AUTS2: variants seen among roughly 807,000 people sequenced by gnomAD.
The protein encoded by AUTS2 is autism susceptibility gene 2 protein.
In AUTS2, 17 loss-of-function variants were observed where a neutral mutation model predicts 112.4. That is an observed-to-expected ratio of 0.15 (90% CI 0.10 to 0.23). The LOEUF is 0.23. Ranked by LOEUF, AUTS2 falls within the 10% of genes least tolerant of loss-of-function variation. The probability of loss-of-function intolerance (pLI) is 1.00; values close to 1 mark genes in which losing one functional copy is unlikely to be tolerated. For missense variants in AUTS2, 1,510 were observed against 1,701.6 expected, an observed-to-expected ratio of 0.89 and a Z score of 1.98; for synonymous variants, 751 against 702.7, an observed-to-expected ratio of 1.07 and a Z score of -1.09.
chr7:69,738,266 C>T (rs999275580), intron 1 of AUTS2, among the ~76,000 whole-genome samples: 1 of 151,908 alleles, frequency 6.6e-6, no homozygotes, highest in African/African-American at 2.4e-5. Flanking sequence ...ATCCCCTTCT[C>T]TCTCTTCTAT....
At chr7:69,915,586 AG>A (rs1188110051) in intron 2 of AUTS2, among the ~76,000 whole-genome samples, 1 of 152,366 alleles carries the variant, frequency 6.6e-6, no homozygotes, top group Non-Finnish European at 1.5e-5. Context: ...CTCTTAGTAC[AG>A]GAAAGTCTTA....
chr7:70,566,582 G>C (rs2214715), intron 5 of AUTS2, among the ~76,000 whole-genome samples: 80,874 of 151,912 alleles, frequency 0.53, 22,081 homozygotes, highest in Admixed American at 0.6. Flanking sequence ...TGTGGTTCAG[G>C]TCTGTTGTTC....
At chr7:70,649,628 A>C (rs1007991013) in intron 5 of AUTS2, among the ~76,000 whole-genome samples, 2 of 151,970 alleles carry the variant, frequency 1.3e-5, no homozygotes, top group African/African-American at 4.8e-5. Flanking sequence ...TCCTGGGTTC[A>C]AACGATTTTC....
intron 1 of AUTS2, among the ~76,000 whole-genome samples, chr7:69,659,583 GTTTTTTTTTTTT>G (rs58289887): frequency 1.2e-5 from 1 of 81,268 alleles, no homozygotes. Flanking sequence ...AGGCTTAGTT[GTTTTTTTTTTTT>G]TTTTTTTTTG....
intron 5 of AUTS2, among the ~76,000 whole-genome samples, chr7:70,551,599 A>G (rs989523587): frequency 6.6e-6 from 1 of 152,180 alleles, no homozygotes; most frequent in Non-Finnish European, 1.5e-5. Context: ...AACTGCCAAA[A>G]GAACCCTAGG....
chr7:69,834,095 C>T lies in AUTS2; in HGVS notation c.310-65191C>T, dbSNP rs75929067. Among the ~76,000 whole-genome samples, 447 of 152,206 alleles carry T rather than the reference C, an allele frequency of 2.9e-3. 5 individuals carry two copies. Among genetic ancestry groups the T allele is most frequent in the African/African-American group, 0.01 (433 of 41,542 alleles). On this transcript the variant is annotated intron_variant, in intron 1 of 18. Coordinates refer to ENST00000342771, the MANE Select transcript of AUTS2 (RefSeq NM_015570.4). ...GGCTCTGGTAAGTCCTTTACACTTG[C>T]TTTAACCTGCTGCTCTTTCCCCTTC...
rs554281670 is a variant in AUTS2 at position 70,301,530 on chromosome 7, G to A, written c.661-134222G>A. Among the ~76,000 whole-genome samples the A allele has an allele frequency of 4.5e-4, 69 of 152,218 alleles. 1 individual carries two copies. Among genetic ancestry groups the A allele is most frequent in the African/African-American group, 1.5e-3 (61 of 41,528 alleles). ...TCTTGAACCCATAAAGTAGGGCTTT[G>A]AAGACGTGCAACATTTGTGAGGTTC... is the stretch of plus-strand genomic sequence containing the variant. On this transcript the variant is annotated intron_variant, in intron 4 of 18. Transcript: ENST00000342771.
intron 2 of AUTS2, among the ~76,000 whole-genome samples, chr7:70,107,788 C>T (rs1804850470): frequency 6.6e-6 from 1 of 150,706 alleles, no homozygotes; most frequent in South Asian, 2.1e-4. Flanking sequence ...CCGAGGCAGG[C>T]AGATCACGAG....
Position 70,122,865 on chromosome 7 carries a change from CTT to C in AUTS2, c.624+4654_624+4655del, listed in dbSNP as rs11297258. 9.2e-3 allele frequency among the ~76,000 whole-genome samples: 852 copies of C among 93,016 alleles called. 12 individuals are homozygous for C. The highest frequency in any genetic ancestry group is 0.028 in the African/African-American group (688 of 24,212). The allele number at this position is 93,016 out of a possible 152,430, so 61.0% of individuals were successfully genotyped here. ...AATCTGAAATCTGCTGAGATGAAAG[CTT>C]TTTTTTTTTTTTTTTTTTTTTCCGT... is the stretch of plus-strand genomic sequence containing the variant. On this transcript the variant is annotated intron_variant, in intron 3 of 18. Coordinates refer to ENST00000342771, the MANE Select transcript of AUTS2 (RefSeq NM_015570.4).
intron 5 of AUTS2, among the ~76,000 whole-genome samples, chr7:70,589,251 C>A (rs966237359): frequency 1.1e-4 from 16 of 151,068 alleles, no homozygotes; most frequent in African/African-American, 3.9e-4. Flanking sequence ...AGAATGAATT[C>A]TCTTTCTCCA....
intron 6 of AUTS2, among the ~76,000 whole-genome samples, chr7:70,730,124 C>G (rs1290947765): frequency 2.0e-5 from 3 of 152,050 alleles, no homozygotes; most frequent in African/African-American, 7.2e-5. Context: ...CCTCATGATC[C>G]GCCTACCTCG....
chr7:70,789,854 C>T lies in AUTS2; in HGVS notation c.2638C>T (p.Leu880=). 6.2e-6 allele frequency: 10 copies of T among 1,614,200 alleles called. No homozygotes were observed. The highest frequency in any genetic ancestry group is 8.5e-6 in the Non-Finnish European group (10 of 1,180,044). Residue 880 remains leucine (L), a synonymous_variant, in exon 19 of 19, where the codon CTG becomes TTG. Transcript: ENST00000342771. ...RSSTEQIRAH[L]NTEAREKDKP... is the part of the protein sequence containing the mutation. ...CTCCACTGAACAGATCCGGGCTCAT[C>T]TGAACACTGAGGCTCGGGAGAAGGA...
chr7:70,663,357 C>A (rs909487906), intron 5 of AUTS2, among the ~76,000 whole-genome samples: 1 of 152,312 alleles, frequency 6.6e-6, no homozygotes. Flanking sequence ...TGAGATCATG[C>A]AACTACACTC....
At chr7:70,402,809 C>T (rs1030156727) in intron 4 of AUTS2, among the ~76,000 whole-genome samples, 1 of 152,152 alleles carries the variant, frequency 6.6e-6, no homozygotes, top group Non-Finnish European at 1.5e-5. Flanking sequence ...GGCACCATTA[C>T]AGCGCTTGGC....
intron 5 of AUTS2, among the ~76,000 whole-genome samples, chr7:70,577,566 T>G (rs1802223688): frequency 6.6e-6 from 1 of 152,214 alleles, no homozygotes; most frequent in African/African-American, 2.4e-5. Context: ...CTTAGCTACT[T>G]AATTGATAAA....
At chr7:70,665,152 A>G (rs1465899318) in intron 5 of AUTS2, among the ~76,000 whole-genome samples, 1 of 152,198 alleles carries the variant, frequency 6.6e-6, no homozygotes, top group Non-Finnish European at 1.5e-5. Context: ...TCAAACTAAT[A>G]CAAAACTGGC....
intron 4 of AUTS2, among the ~76,000 whole-genome samples, chr7:70,310,881 G>A (rs1299657044): frequency 6.6e-6 from 1 of 152,072 alleles, no homozygotes. Context: ...TCCTACTGGG[G>A]TTTTTAAATG....
chr7:70,248,324 A>G (rs927645533), intron 4 of AUTS2, among the ~76,000 whole-genome samples: 1 of 152,128 alleles, frequency 6.6e-6, no homozygotes, highest in Non-Finnish European at 1.5e-5. Flanking sequence ...TCATTTTGCC[A>G]TGTTGGCCAG....
At chr7:69,968,279 A>T (rs949986140) in intron 2 of AUTS2, among the ~76,000 whole-genome samples, 4 of 152,120 alleles carry the variant, frequency 2.6e-5, no homozygotes, top group Non-Finnish European at 5.9e-5. Flanking sequence ...GAATCCCCAT[A>T]AGGTTGTCTG....
Sources: gnomAD v4.1 joint callset for allele counts (sites outside exome capture counted in the v4.1 genomes callset) on GRCh38, gnomAD v4.1.1 for gene constraint, MANE v1.5 for transcripts, NCBI Gene and HGNC (gene_info 2026-07-23, HGNC 2026-07-21) for gene names.